PLAGL1: variants seen among roughly 807,000 people sequenced by gnomAD.
The protein encoded by PLAGL1 is zinc finger protein PLAGL1.
In PLAGL1, 1 loss-of-function variant was observed where a neutral mutation model predicts 4.6. That is an observed-to-expected ratio of 0.22 (90% CI 0.08 to 1.03). The LOEUF (loss-of-function observed/expected upper bound fraction) is 1.03, where lower values mean the gene tolerates loss of function less well. Ranked by LOEUF, PLAGL1 falls within the 50% of genes least tolerant of loss-of-function variation. The pLI is 0.58. For missense variants in PLAGL1, 464 were observed against 570.4 expected, an observed-to-expected ratio of 0.81 and a Z score of 1.90; for synonymous variants, 240 against 237.8, an observed-to-expected ratio of 1.01 and a Z score of -0.08.
chr6:144,028,884 A>T (rs1796574765), intron 1 of PLAGL1, among the ~76,000 whole-genome samples: 1 of 152,200 alleles, frequency 6.6e-6, no homozygotes, highest in African/African-American at 2.4e-5. Flanking sequence ...GAAACATTTT[A>T]AATAAAATAA....
chr6:144,029,506 C>G lies in PLAGL1; in HGVS notation c.-151+34962G>C, dbSNP rs148732300. ...ACAAAGAATAGGAAAAGACACAGCT[C>G]ATTTCGTGAAGAATAGAGAGCTAGC... On this transcript the variant is annotated intron_variant, in intron 1 of 3. Coordinates refer to the PLAGL1 transcript ENST00000437412. Among the ~76,000 whole-genome samples, 8 of 152,342 alleles carry G rather than the reference C, an allele frequency of 5.3e-5. No individual in the cohort carries two copies. The East Asian group carries it at 1.3e-3, about 26-fold the overall frequency.
At chr6:144,014,734 G>A (rs1180997091) in intron 1 of PLAGL1, among the ~76,000 whole-genome samples, 8 of 151,808 alleles carry the variant, frequency 5.3e-5, no homozygotes, top group Non-Finnish European at 2.9e-5. Context: ...GAGATGCCAC[G>A]GCACCCAGCT....
Position 144,024,244 on chromosome 6 carries a change from T to G in PLAGL1, c.-151+40224A>C, listed in dbSNP as rs201871277. Among the ~76,000 whole-genome samples, 20 of 152,318 alleles carry G rather than the reference T, an allele frequency of 1.3e-4. 1 individual carries two copies. In the East Asian group the frequency reaches 3.7e-3, roughly 28 times the overall value. On this transcript the variant is annotated intron_variant, in intron 1 of 3. Coordinates refer to the PLAGL1 transcript ENST00000437412. ...GGTCAGATTTTCATGTCTAATATTA[T>G]TCTCCAATAAAAGGAACCATGCCCC... is the stretch of plus-strand genomic sequence containing the variant.
At chr6:143,977,686 GAC>G (rs768256750) in intron 2 of PLAGL1, among the ~76,000 whole-genome samples, 6 of 151,704 alleles carry the variant, frequency 4.0e-5, no homozygotes, top group Non-Finnish European at 7.4e-5. Context: ...TTTTAGTAGA[GAC>G]ACAGTTTCAC....
upstream of PLAGL1, among the ~76,000 whole-genome samples, chr6:144,008,575 T>C (rs1470329694): frequency 1.3e-5 from 2 of 151,986 alleles, no homozygotes; most frequent in African/African-American, 4.8e-5. This position sits in a 1 kb window ranked among gnomAD's most constrained non-coding sequence, Gnocchi z 6.9. Flanking sequence ...AAAGCCAAGG[T>C]CGCCCAGGTA....
chr6:144,058,329 G>C (rs1799139253), intron 1 of PLAGL1, among the ~76,000 whole-genome samples: 1 of 152,158 alleles, frequency 6.6e-6, no homozygotes, highest in South Asian at 2.1e-4. Flanking sequence ...AAGCATTCCT[G>C]AGGGATCCGT....
chr6:143,956,835 T>C (rs1782245592), intron 6 of PLAGL1, among the ~76,000 whole-genome samples: 1 of 152,198 alleles, frequency 6.6e-6, no homozygotes, highest in South Asian at 2.1e-4. Flanking sequence ...GACTGAGAGA[T>C]GCTGAACTAC....
chr6:144,009,044 A>G (rs1050565076), upstream of PLAGL1, among the ~76,000 whole-genome samples: 5 of 152,226 alleles, frequency 3.3e-5, no homozygotes, highest in South Asian at 4.1e-4. Context: ...TAAAAGGCCT[A>G]TAAGCATTAC....
At position 143,985,945 on chromosome 6, in the gene PLAGL1, T is replaced by C. The variant is rs1788953512; in HGVS notation, c.-583-771A>G. Among the ~76,000 whole-genome samples the C allele has an allele frequency of 7.1e-6, 1 of 141,264 alleles. No homozygotes were observed. Among genetic ancestry groups the C allele is most frequent in the African/African-American group, 2.6e-5 (1 of 38,486 alleles). 92.7% of individuals were successfully genotyped at this position (141,264 alleles called of 152,430 possible). ...TACACACACATATATATAAAAGATA[T>C]ATATACACATATATATCAAATTATA... is the stretch of plus-strand genomic sequence containing the variant. On this transcript the variant is annotated intron_variant, in intron 1 of 7. Coordinates refer to ENST00000674357, the MANE Select transcript of PLAGL1 (RefSeq NM_001317162.2). The surrounding 1 kb of genome is among the most constrained non-coding windows in gnomAD (Gnocchi z 4.4).
At position 144,013,834 on chromosome 6, in the gene PLAGL1, C is replaced by A. The variant is rs980042111; in HGVS notation, c.-150-44856G>T. Among the ~76,000 whole-genome samples the A allele has an allele frequency of 3.3e-5, 5 of 152,188 alleles. No individual in the cohort carries two copies. The stretch of plus-strand genomic sequence containing the variant: ...CTGAAATAACTGAAGGTGGTCTCCT[C>A]ATTTCAAGATCCGTAACTTAAGTCA... On this transcript the variant is annotated intron_variant, in intron 1 of 3. Coordinates refer to the PLAGL1 transcript ENST00000437412. This position sits in a 1 kb window ranked among gnomAD's most constrained non-coding sequence, Gnocchi z 4.4.
intron 1 of PLAGL1, among the ~76,000 whole-genome samples, chr6:144,002,445 C>A (rs564985374): frequency 6.6e-6 from 1 of 151,660 alleles, no homozygotes; most frequent in Non-Finnish European, 1.5e-5. Flanking sequence ...CAAGAAAAGG[C>A]GAAAAAGAGA....
chr6:143,944,553 G>A (rs558363408), intron 7 of PLAGL1, among the ~76,000 whole-genome samples: 7 of 152,244 alleles, frequency 4.6e-5, no homozygotes, highest in Admixed American at 3.3e-4. Flanking sequence ...GATGGGTACC[G>A]TAAGGCAGGG....
chr6:143,991,126 A>T (rs1413424188), intron 1 of PLAGL1, among the ~76,000 whole-genome samples: 1 of 152,230 alleles, frequency 6.6e-6, no homozygotes, highest in Non-Finnish European at 1.5e-5. Flanking sequence ...TTGTCCCATT[A>T]TGTCCACAAG....
In PLAGL1 at chr6:144,048,690, T is replaced by C. The variant is rs78549281; in HGVS notation, c.-151+15778A>G. Among the ~76,000 whole-genome samples the C allele has an allele frequency of 0.041, 6,305 of 152,172 alleles. 348 individuals carry two copies. The highest frequency in any genetic ancestry group is 0.15 in the East Asian group (762 of 5,170). ...GCTGTAAGCCAGGCCCATGAAACCA[T>C]TTCTTCCCACTAGGCCTCCAGGTCT... On this transcript the variant is annotated intron_variant, in intron 1 of 3. Transcript: ENST00000437412. This position sits in a 1 kb window ranked among gnomAD's most constrained non-coding sequence, Gnocchi z 4.8.
In PLAGL1 at chr6:143,950,419, C is replaced by T. The variant is rs867366818; in HGVS notation, c.-324-1959G>A. Among the ~76,000 whole-genome samples the T allele has an allele frequency of 2.0e-5, 3 of 152,138 alleles. No individual in the cohort carries two copies. Among genetic ancestry groups the T allele is most frequent in the Admixed American group, 1.3e-4 (2 of 15,268 alleles). On this transcript the variant is annotated intron_variant, in intron 6 of 7. Coordinates refer to ENST00000674357, the MANE Select transcript of PLAGL1 (RefSeq NM_001317162.2). This position sits in a 1 kb window ranked among gnomAD's most constrained non-coding sequence, Gnocchi z 6.3. ...ATAACTCCTTCTAGGAATTCTATTCCGCCTGCCGAGTTTGCTCTGCTAGGT... is the reference window on the plus strand; with the variant it reads ...ATAACTCCTTCTAGGAATTCTATTCTGCCTGCCGAGTTTGCTCTGCTAGGT...
rs1476903485 is a variant in PLAGL1, at chr6:143,970,018, A to G, written c.-543-1040T>C. On this transcript the variant is annotated intron_variant, in intron 2 of 7. Coordinates refer to ENST00000674357, the MANE Select transcript of PLAGL1 (RefSeq NM_001317162.2). The surrounding 1 kb of genome is among the most constrained non-coding windows in gnomAD (Gnocchi z 5.8). ...AATAATGAAGACAGGAAATAGATCA[A>G]TAACTTAAACCCATCAACCCTCACC... 6.6e-6 allele frequency among the ~76,000 whole-genome samples: 1 copy of G among 152,214 alleles called. No homozygotes were observed. Among genetic ancestry groups the G allele is most frequent in the Non-Finnish European group, 1.5e-5 (1 of 68,036 alleles).
At chr6:144,023,534 C>T (rs748737559) in intron 1 of PLAGL1, among the ~76,000 whole-genome samples, 11 of 152,014 alleles carry the variant, frequency 7.2e-5, no homozygotes, top group South Asian at 2.1e-4. Flanking sequence ...AGGAACTGCA[C>T]GAAAAATAAG....
In PLAGL1 at chr6:144,034,151, T is replaced by C. The variant is rs746183179; in HGVS notation, c.-151+30317A>G. Among the ~76,000 whole-genome samples the C allele has an allele frequency of 3.3e-5, 5 of 152,244 alleles. No individual in the cohort carries two copies. The highest frequency in any genetic ancestry group is 7.3e-5 in the Non-Finnish European group (5 of 68,040). On this transcript the variant is annotated intron_variant, in intron 1 of 3. Coordinates refer to the PLAGL1 transcript ENST00000437412. The surrounding 1 kb of genome is among the most constrained non-coding windows in gnomAD (Gnocchi z 4.7). ...AGGGCTGAAAAGAATGACCTGTGTT[T>C]ACATGTAAAACCACGTTGTTGGAGG...
At chr6:144,002,291 A>G (rs1035172348) in intron 1 of PLAGL1, among the ~76,000 whole-genome samples, 3 of 152,210 alleles carry the variant, frequency 2.0e-5, no homozygotes, top group African/African-American at 7.2e-5. Flanking sequence ...GGTAAAGAAC[A>G]TCTACAAAAA....
Sources: gnomAD v4.1 joint callset for allele counts (sites outside exome capture counted in the v4.1 genomes callset) on GRCh38, gnomAD v4.1.1 for gene constraint, Gnocchi (gnomAD v3.1) non-coding constraint, MANE v1.5 for transcripts, NCBI Gene and HGNC (gene_info 2026-07-23, HGNC 2026-07-21) for gene names.